Variants in NRXN3 observed in about 807,000 individuals in gnomAD.
The protein encoded by NRXN3 is neurexin 3, also known as neurexin III.
NRXN3 carries 32 observed loss-of-function variants against 137.6 expected under a neutral mutation model. The observed-to-expected ratio is 0.23, with a 90% CI of 0.18 to 0.31. The LOEUF is 0.31. NRXN3 is among the 10% of genes least tolerant of loss of function. The pLI is 1.00. For missense variants in NRXN3, 1,574 were observed against 2,062.5 expected, an observed-to-expected ratio of 0.76 and a Z score of 4.59; for synonymous variants, 798 against 784.5, an observed-to-expected ratio of 1.02 and a Z score of -0.29.
intron 15 of NRXN3, among the ~76,000 whole-genome samples, chr14:79,427,282 G>A (rs560179926): frequency 9.2e-5 from 14 of 152,280 alleles, no homozygotes; most frequent in African/African-American, 2.2e-4. Flanking sequence ...TTAGGTAGCC[G>A]TCTGAATGTG....
intron 4 of NRXN3, among the ~76,000 whole-genome samples, chr14:78,494,395 T>C (rs543051897): frequency 6.7e-6 from 1 of 149,006 alleles, no homozygotes; most frequent in East Asian, 2.0e-4. Flanking sequence ...TAAGACCTCA[T>C]GGCTTGAAAG....
intron 15 of NRXN3, among the ~76,000 whole-genome samples, chr14:79,364,374 C>T (rs971761773): frequency 7.9e-5 from 12 of 152,326 alleles, no homozygotes; most frequent in African/African-American, 2.9e-4. Context: ...ATTACTTACA[C>T]CTCTTTCTGT....
chr14:79,336,792 T>C (rs981340609), intron 15 of NRXN3, among the ~76,000 whole-genome samples: 25 of 152,182 alleles, frequency 1.6e-4, no homozygotes, highest in Admixed American at 1.3e-3. Flanking sequence ...TTGGCATCTT[T>C]GTGGTTTCCA....
At position 78,490,569 on chromosome 14, in the gene NRXN3, AC is replaced by A. The variant is rs1198473871; in HGVS notation, c.758-154548del. Among the ~76,000 whole-genome samples the A allele has an allele frequency of 3.3e-5, 5 of 152,130 alleles. No homozygotes were observed. The East Asian group carries it at 5.8e-4, about 18-fold the overall frequency. On this transcript the variant is annotated intron_variant, in intron 4 of 20. Coordinates refer to ENST00000335750, the MANE Select transcript of NRXN3 (RefSeq NM_001330195.2). The stretch of plus-strand genomic sequence containing the variant: ...TGCATCTGGTGGTGGGGAGCTTACT[AC>A]CCTTTAAGGAAAGTCATTGTTTAAA...
intron 15 of NRXN3, among the ~76,000 whole-genome samples, chr14:79,326,294 A>G (rs1056334225): frequency 1.2e-4 from 18 of 152,162 alleles, no homozygotes; most frequent in African/African-American, 4.3e-4. Flanking sequence ...TCATATTAAC[A>G]ATACTGCTTA....
At chr14:78,693,424 T>C (rs1254783357) in intron 6 of NRXN3, among the ~76,000 whole-genome samples, 2 of 151,972 alleles carry the variant, frequency 1.3e-5, no homozygotes, top group East Asian at 3.9e-4. Flanking sequence ...TTTTGTTTTT[T>C]CCCCCACTGC....
rs1031679489 is a variant in NRXN3, at chr14:78,569,640, T to G, written c.758-75480T>G. On this transcript the variant is annotated intron_variant, in intron 4 of 20. Transcript: ENST00000335750. ...GTGCAGTGGCACAATCTCAGCTCAC[T>G]GCAACCTCCACCTTCTGGGTTCAAG... 3.3e-5 allele frequency among the ~76,000 whole-genome samples: 5 copies of G among 152,206 alleles called. No individual in the cohort carries two copies. In the South Asian group the frequency reaches 1.0e-3, roughly 32 times the overall value.
chr14:78,738,022 A>G (rs557403006), intron 8 of NRXN3, among the ~76,000 whole-genome samples: 127 of 152,214 alleles, frequency 8.3e-4, no homozygotes, highest in Admixed American at 2.0e-3. Flanking sequence ...AAAAAAGTTA[A>G]TGGATTTCTT....
chr14:79,426,806 C>A (rs534554924), intron 15 of NRXN3, among the ~76,000 whole-genome samples: 1 of 152,100 alleles, frequency 6.6e-6, no homozygotes, highest in Admixed American at 6.6e-5. Context: ...CACATAGATA[C>A]GACATTGGAA....
chr14:78,528,434 G>C (rs546957868), intron 4 of NRXN3, among the ~76,000 whole-genome samples: 3 of 152,152 alleles, frequency 2.0e-5, no homozygotes, highest in African/African-American at 7.2e-5. Flanking sequence ...CAGTAGCCAG[G>C]ATGTGGGATG....
chr14:79,716,077 G>C (rs1484158752), intron 19 of NRXN3, among the ~76,000 whole-genome samples: 1 of 152,172 alleles, frequency 6.6e-6, no homozygotes, highest in Admixed American at 6.5e-5. Flanking sequence ...CATGACAAAG[G>C]GGTGTGGGAC....
At chr14:78,361,335 A>G (rs2085081323) in intron 4 of NRXN3, among the ~76,000 whole-genome samples, 1 of 152,240 alleles carries the variant, frequency 6.6e-6, no homozygotes, top group African/African-American at 2.4e-5. Flanking sequence ...ATAAGATTCC[A>G]TATTGGTAAG....
At chr14:79,391,297 T>C (rs2094837629) in intron 15 of NRXN3, among the ~76,000 whole-genome samples, 1 of 152,182 alleles carries the variant, frequency 6.6e-6, no homozygotes, top group African/African-American at 2.4e-5. Context: ...AGAGGCAGCT[T>C]TCTGAAGTGG....
chr14:78,572,434 G>A (rs775156016), intron 4 of NRXN3, among the ~76,000 whole-genome samples: 7 of 152,180 alleles, frequency 4.6e-5, no homozygotes, highest in Non-Finnish European at 1.0e-4. Flanking sequence ...ATGGCTTTTT[G>A]CACAGGGAAG....
At chr14:78,518,262 G>T (rs2096239524) in intron 4 of NRXN3, among the ~76,000 whole-genome samples, 1 of 152,168 alleles carries the variant, frequency 6.6e-6, no homozygotes, top group African/African-American at 2.4e-5. Context: ...GCTGTGGTAA[G>T]TCAGAAAAGA....
intron 15 of NRXN3, among the ~76,000 whole-genome samples, chr14:79,057,673 A>T (rs1456800396): frequency 2.6e-5 from 4 of 152,192 alleles, no homozygotes; most frequent in South Asian, 2.1e-4. Flanking sequence ...TGGCAAGTCC[A>T]TTGGGTTTAA....
chr14:78,595,757 G>A (rs1013661533), intron 4 of NRXN3, among the ~76,000 whole-genome samples: 5 of 152,142 alleles, frequency 3.3e-5, no homozygotes, highest in African/African-American at 7.2e-5. Context: ...TTGGGGAGAC[G>A]TAGAATTGAG....
At chr14:78,751,462 C>T (rs2098641722) in intron 8 of NRXN3, among the ~76,000 whole-genome samples, 1 of 152,058 alleles carries the variant, frequency 6.6e-6, no homozygotes, top group Admixed American at 6.6e-5. Context: ...TCCTTGTGCT[C>T]CCCTCCTCCT....
At chr14:78,816,796 T>A (rs2098934927) in intron 10 of NRXN3, among the ~76,000 whole-genome samples, 1 of 152,212 alleles carries the variant, frequency 6.6e-6, no homozygotes, top group Admixed American at 6.5e-5. Flanking sequence ...TTGCTTCTCC[T>A]CACTCTTGTA....
Sources: gnomAD v4.1 joint callset for allele counts (sites outside exome capture counted in the v4.1 genomes callset) on GRCh38, gnomAD v4.1.1 for gene constraint, MANE v1.5 for transcripts, NCBI Gene and HGNC (gene_info 2026-07-23, HGNC 2026-07-21) for gene names.